The following RALGPS1 variants were observed in gnomAD, a reference collection of about 807,000 sequenced individuals.
RALGPS1 encodes Ral GEF with PH domain and SH3 binding motif 1, also known as ras-specific guanine nucleotide-releasing factor RalGPS1.
A neutral mutation model predicts 78.8 loss-of-function variants in RALGPS1; 19 were observed. The ratio of observed to expected loss-of-function variants is 0.24; its 90% confidence interval spans 0.17 to 0.35. The LOEUF (loss-of-function observed/expected upper bound fraction) is 0.35. RALGPS1 is among the 10% of genes least tolerant of loss of function. The pLI is 1.00. For missense variants in RALGPS1, 454 were observed against 688.3 expected (o/e 0.66, Z 3.81); for synonymous variants, 228 against 256.3 (o/e 0.89, Z 1.06).
chr9:127,118,844 T>C (rs1044179762), intron 8 of RALGPS1, among the ~76,000 whole-genome samples: 1 of 152,230 alleles, frequency 6.6e-6, no homozygotes, highest in African/African-American at 2.4e-5. Flanking sequence ...GTACCTGCTT[T>C]GGCAGGGCTG....
chr9:127,201,318 G>A (rs187277722), intron 14 of RALGPS1, among the ~76,000 whole-genome samples: 80 of 152,338 alleles, frequency 5.3e-4, no homozygotes, highest in Admixed American at 2.5e-3. Context: ...CTCTGAGGAT[G>A]GCTTTTGGCC....
Position 127,157,220 on chromosome 9 carries a change from T to C in RALGPS1, c.611-8849T>C, listed in dbSNP as rs117487145. On this transcript the variant is annotated intron_variant, in intron 8 of 18. Transcript: ENST00000259351. The stretch of plus-strand genomic sequence containing the variant: ...TTGGAATCATTTCAGATATGAAATG[T>C]GTATGTTAATTAGGCAATAATTGAC... Among the ~76,000 whole-genome samples the C allele has an allele frequency of 5.5e-3, 831 of 152,228 alleles. 25 individuals carry two copies. In the East Asian group the frequency reaches 0.086, roughly 16 times the overall value.
intron 8 of RALGPS1, chr9:127,108,332 C>T (rs758180178): frequency 6.2e-7 from 1 of 1,613,114 alleles, no homozygotes; most frequent in African/African-American, 1.3e-5. Flanking sequence ...AGCTGCGTGA[C>T]CCGCGAGTTC....
intron 8 of RALGPS1, among the ~76,000 whole-genome samples, chr9:127,111,782 C>T (rs1372887572): frequency 6.6e-6 from 1 of 152,142 alleles, no homozygotes; most frequent in Non-Finnish European, 1.5e-5. Flanking sequence ...AGTGACTTGC[C>T]CAAAATCAGA....
intron 10 of RALGPS1, among the ~76,000 whole-genome samples, chr9:127,174,056 T>C (rs193290454): frequency 3.0e-4 from 46 of 151,824 alleles, no homozygotes; most frequent in African/African-American, 1.1e-3. Context: ...GGTCAAGAGA[T>C]TGAGACCATC....
intron 18 of RALGPS1, chr9:127,217,651 T>G (rs1220878185): frequency 6.3e-6 from 1 of 157,886 alleles, no homozygotes; most frequent in African/African-American, 2.4e-5. Context: ...CCATGGCCTC[T>G]TCCTAATTCG....
intron 7 of RALGPS1, among the ~76,000 whole-genome samples, chr9:127,066,470 G>A (rs1273486046): frequency 6.6e-6 from 1 of 152,136 alleles, no homozygotes. Flanking sequence ...GTGAAACCCC[G>A]TCTCTACTAG....
At chr9:127,014,306 AGGAAAG>A (rs2044620585) in intron 4 of RALGPS1, among the ~76,000 whole-genome samples, 1 of 152,200 alleles carries the variant, frequency 6.6e-6, no homozygotes. Context: ...TGAGCCTTTT[AGGAAAG>A]GGAACTTTTC....
At chr9:127,214,999 AC>A (rs1201190210) in intron 18 of RALGPS1, among the ~76,000 whole-genome samples, 157 bp downstream of exon 18, 1 of 151,992 alleles carries the variant, frequency 6.6e-6, no homozygotes, top group Non-Finnish European at 1.5e-5. Context: ...GAGACAAGGC[AC>A]CCCCTTGCTC....
chr9:127,194,421 CT>C (rs879700330), intron 11 of RALGPS1, among the ~76,000 whole-genome samples: 1 of 152,026 alleles, frequency 6.6e-6, no homozygotes, highest in African/African-American at 2.4e-5. Flanking sequence ...AGAAGACACA[CT>C]TTTTTTTGGG....
At chr9:127,041,717 G>C (rs1172835481) in intron 5 of RALGPS1, among the ~76,000 whole-genome samples, 3 of 152,200 alleles carry the variant, frequency 2.0e-5, no homozygotes, top group African/African-American at 7.2e-5. Context: ...ACAGGGATAG[G>C]TGGAGGATCT....
chr9:127,196,370 CT>C, intron 12 of RALGPS1, 103 bp from the exon 13 acceptor site: 35 of 1,388,648 alleles, frequency 2.5e-5, no homozygotes, highest in Admixed American at 4.7e-5. Context: ...GGGTGGAGGC[CT>C]TTTTCCTGCA....
intron 8 of RALGPS1, among the ~76,000 whole-genome samples, chr9:127,073,749 C>G (rs1409282793): frequency 6.6e-6 from 1 of 152,142 alleles, no homozygotes; most frequent in Non-Finnish European, 1.5e-5. Flanking sequence ...ACATTCTTGC[C>G]AGCATGTTAT....
intron 1 of RALGPS1, among the ~76,000 whole-genome samples, chr9:126,920,705 G>A (rs1348516952): frequency 6.6e-6 from 1 of 152,152 alleles, no homozygotes; most frequent in Non-Finnish European, 1.5e-5. Context: ...TGCCTTGCTG[G>A]GCTCTTGCTT....
intron 1 of RALGPS1, among the ~76,000 whole-genome samples, chr9:126,919,100 T>G (rs1413754533): frequency 6.6e-6 from 1 of 152,232 alleles, no homozygotes; most frequent in East Asian, 1.9e-4. Flanking sequence ...TTATATATTC[T>G]TTCTCTTACA....
intron 11 of RALGPS1, among the ~76,000 whole-genome samples, chr9:127,187,637 GA>G (rs952356816): frequency 7.2e-5 from 11 of 152,148 alleles, no homozygotes; most frequent in African/African-American, 2.7e-4. Flanking sequence ...TTGACCTTTA[GA>G]AAACACTTTT....
At chr9:126,933,171 C>T (rs774444202) in intron 1 of RALGPS1, among the ~76,000 whole-genome samples, 1 of 152,012 alleles carries the variant, frequency 6.6e-6, no homozygotes, top group Non-Finnish European at 1.5e-5. Context: ...GCAGGGGAGG[C>T]CAGAGACCAG....
At chr9:127,043,400 CA>C (rs34894330) in intron 5 of RALGPS1, among the ~76,000 whole-genome samples, 22,039 of 136,554 alleles carry the variant, frequency 0.16, 4,618 homozygotes, top group African/African-American at 0.49. Context: ...TGTGTATATG[CA>C]AAAAAAAAAA....
chr9:126,982,928 C>CTTTTTT (rs71377984), intron 4 of RALGPS1, among the ~76,000 whole-genome samples: 43 of 34,618 alleles, frequency 1.2e-3, no homozygotes, highest in Middle Eastern at 0.021. Context: ...TCTTCTTCTT[C>CTTTTTT]TTTTTTTTTT....
Sources: allele counts gnomAD v4.1 joint callset (sites outside exome capture counted in the v4.1 genomes callset), GRCh38; gene constraint gnomAD v4.1.1; transcripts MANE v1.5; gene names NCBI Gene and HGNC (gene_info 2026-07-23, HGNC 2026-07-21).